Variants in CDH4 observed in about 807,000 individuals in gnomAD.
CDH4 encodes cadherin 4.
In CDH4, 33 loss-of-function variants were observed where a neutral mutation model predicts 86.0. That is an observed-to-expected ratio of 0.38 (90% CI 0.29 to 0.51). CDH4 has a LOEUF of 0.51. Ranked by LOEUF, CDH4 falls within the 20% of genes least tolerant of loss-of-function variation. The pLI is 0.86. For missense variants in CDH4, 1,114 were observed against 1,307.4 expected (o/e 0.85, Z 2.28); for synonymous variants, 555 against 549.4 (o/e 1.01, Z -0.14).
intron 2 of CDH4, among the ~76,000 whole-genome samples, chr20:61,291,370 C>G (rs929841799): frequency 2.0e-5 from 3 of 152,230 alleles, no homozygotes; most frequent in African/African-American, 7.2e-5. Context: ...GTGGAAAGAA[C>G]GAGAACTCAA....
chr20:61,624,695 G>T (rs2086812501), intron 2 of CDH4, among the ~76,000 whole-genome samples: 1 of 152,238 alleles, frequency 6.6e-6, no homozygotes, highest in South Asian at 2.1e-4. Flanking sequence ...CTGGACCAGG[G>T]GCCCAGGGAA....
intron 2 of CDH4, among the ~76,000 whole-genome samples, chr20:61,504,357 TCA>T (rs982265544): frequency 2.0e-5 from 3 of 152,216 alleles, no homozygotes; most frequent in African/African-American, 7.2e-5. Flanking sequence ...GGTTTTTTTC[TCA>T]CTGTCTCCAG....
At chr20:61,406,670 C>T (rs958217957) in intron 2 of CDH4, among the ~76,000 whole-genome samples, 1 of 145,722 alleles carries the variant, frequency 6.9e-6, no homozygotes, top group African/African-American at 2.6e-5. Flanking sequence ...CCCGGACCAC[C>T]ATCTGCTCTC....
chr20:61,797,527 C>T (rs976155198), intron 4 of CDH4, among the ~76,000 whole-genome samples: 4 of 152,352 alleles, frequency 2.6e-5, no homozygotes, highest in African/African-American at 9.6e-5. Flanking sequence ...GGCAGTGGCT[C>T]ATGTTGCAAT....
chr20:61,295,312 T>A (rs1314109699), intron 2 of CDH4, among the ~76,000 whole-genome samples: 1 of 152,184 alleles, frequency 6.6e-6, no homozygotes, highest in Non-Finnish European at 1.5e-5. Context: ...GTTAGAACAC[T>A]GACCATGCGG....
At chr20:61,441,368 T>C (rs1370384912) in intron 2 of CDH4, among the ~76,000 whole-genome samples, 1 of 152,210 alleles carries the variant, frequency 6.6e-6, no homozygotes, top group African/African-American at 2.4e-5. Context: ...TCACAGCTAG[T>C]TGGGGCAGAG....
At chr20:61,747,856 T>C (rs2088436761) in intron 3 of CDH4, among the ~76,000 whole-genome samples, 2 of 151,938 alleles carry the variant, frequency 1.3e-5, no homozygotes, top group Admixed American at 1.3e-4. Context: ...TTTGAAAATA[T>C]AGTGGCAGAA....
intron 4 of CDH4, among the ~76,000 whole-genome samples, chr20:61,783,869 C>T (rs1414462788): frequency 2.6e-5 from 1 of 38,114 alleles, no homozygotes; most frequent in African/African-American, 1.5e-4. Context: ...TGTCCTGTGC[C>T]CCCAAGAGAA....
chr20:61,614,958 A>T (rs1040280178), intron 2 of CDH4, among the ~76,000 whole-genome samples: 13 of 152,032 alleles, frequency 8.6e-5, no homozygotes, highest in African/African-American at 2.7e-4. Context: ...TCCAGGTTTC[A>T]TGTGAAAACA....
intron 2 of CDH4, among the ~76,000 whole-genome samples, chr20:61,410,077 G>C (rs569653288): frequency 6.6e-6 from 1 of 152,376 alleles, no homozygotes; most frequent in South Asian, 2.1e-4. Context: ...ACAACAGGCT[G>C]CTTGATCCCA....
chr20:61,503,760 T>A (rs988092952), intron 2 of CDH4, among the ~76,000 whole-genome samples: 2 of 152,262 alleles, frequency 1.3e-5, no homozygotes, highest in African/African-American at 4.8e-5. Context: ...ATGATATAAA[T>A]TACATAATTA....
At chr20:61,649,756 G>A (rs1431174378) in intron 2 of CDH4, among the ~76,000 whole-genome samples, 3 of 152,186 alleles carry the variant, frequency 2.0e-5, no homozygotes, top group Admixed American at 6.5e-5. Context: ...AGAGCATGGC[G>A]GGCCGTGAGC....
chr20:61,627,309 T>C (rs1300660533), intron 2 of CDH4, among the ~76,000 whole-genome samples: 4 of 152,094 alleles, frequency 2.6e-5, no homozygotes, highest in African/African-American at 9.7e-5. Flanking sequence ...GGCACTTAGG[T>C]GCCAGCCTGC....
rs923516174 is a variant in CDH4, at chr20:61,582,572, T to G, written c.170-160991T>G. 1.3e-5 allele frequency among the ~76,000 whole-genome samples: 2 copies of G among 152,160 alleles called. No individual in the cohort carries two copies. Among genetic ancestry groups the G allele is most frequent in the African/African-American group, 4.8e-5 (2 of 41,442 alleles). On this transcript the variant is annotated intron_variant, in intron 2 of 15. Coordinates refer to ENST00000614565, the MANE Select transcript of CDH4 (RefSeq NM_001794.5). The surrounding 1 kb of genome is among the most constrained non-coding windows in gnomAD (Gnocchi z 4.2). ...TGCTTCCGGGGAGAGTCTCCCCAGT[T>G]GCACCCAGTGCCCTGAGAGCTGCAC...
At chr20:61,526,270 C>T (rs956898509) in intron 2 of CDH4, among the ~76,000 whole-genome samples, 8 of 152,050 alleles carry the variant, frequency 5.3e-5, no homozygotes, top group Admixed American at 6.5e-5. Context: ...CCCGCCTGGC[C>T]TCTGTATGAG....
chr20:61,608,839 C>G (rs187406456), intron 2 of CDH4, among the ~76,000 whole-genome samples: 8 of 152,164 alleles, frequency 5.3e-5, no homozygotes, highest in Non-Finnish European at 1.0e-4. Context: ...TGAGCACGAC[C>G]TCCTAGATCA....
chr20:61,858,505 GTGTC>G (rs1158006796), intron 6 of CDH4, among the ~76,000 whole-genome samples: 3 of 151,858 alleles, frequency 2.0e-5, no homozygotes, highest in African/African-American at 7.3e-5. Flanking sequence ...GTGTGTGTCT[GTGTC>G]TGTGTATCTG....
chr20:61,728,392 A>G (rs940405999), intron 2 of CDH4, among the ~76,000 whole-genome samples: 1 of 152,084 alleles, frequency 6.6e-6, no homozygotes, highest in Non-Finnish European at 1.5e-5. Flanking sequence ...TCATCCTTCC[A>G]TCCTCTAAAA....
At chr20:61,799,098 A>T (rs1427992564) in intron 4 of CDH4, among the ~76,000 whole-genome samples, 1 of 152,256 alleles carries the variant, frequency 6.6e-6, no homozygotes. Flanking sequence ...TTAATTTTAT[A>T]GCTGCTACAT....
Sources: allele counts gnomAD v4.1 joint callset (sites outside exome capture counted in the v4.1 genomes callset), GRCh38; gene constraint gnomAD v4.1.1; non-coding constraint Gnocchi (gnomAD v3.1); transcripts MANE v1.5; gene names NCBI Gene and HGNC (gene_info 2026-07-23, HGNC 2026-07-21).